NCKAP5: variants seen among roughly 807,000 people sequenced by gnomAD.
NCKAP5 encodes NCK associated protein 5, also known as nck-associated protein 5.
In NCKAP5, 92 loss-of-function variants were observed where a neutral mutation model predicts 167.0. The observed-to-expected ratio is 0.55, with a 90% CI of 0.47 to 0.66. The LOEUF is 0.66. Ranked by LOEUF, NCKAP5 falls within the 30% of genes least tolerant of loss-of-function variation. The probability of loss-of-function intolerance (pLI) is 0.00; values close to 1 mark genes in which losing one functional copy is unlikely to be tolerated. For synonymous variants in NCKAP5, 891 were observed against 877.4 expected (o/e 1.02, Z -0.27); for missense variants, 2,378 against 2,315.0 (o/e 1.03, Z -0.56).
chr2:133,094,947 C>A (rs1284007474), intron 6 of NCKAP5, among the ~76,000 whole-genome samples: 1 of 152,106 alleles, frequency 6.6e-6, no homozygotes, highest in African/African-American at 2.4e-5. Flanking sequence ...GGGGACTTCA[C>A]TCCTATAACC....
intron 2 of NCKAP5, among the ~76,000 whole-genome samples, chr2:133,546,902 G>C (rs544491183): frequency 1.5e-4 from 23 of 152,148 alleles, no homozygotes; most frequent in Non-Finnish European, 2.4e-4. Context: ...GAACAGCTAC[G>C]GTCTACAGCT....
At chr2:132,887,227 A>G (rs2148849929) in intron 8 of NCKAP5, among the ~76,000 whole-genome samples, 1 of 152,224 alleles carries the variant, frequency 6.6e-6, no homozygotes. Context: ...TTTTGACTAA[A>G]ACAATTATGA....
chr2:132,698,028 G>T (rs531890401), intron 19 of NCKAP5, among the ~76,000 whole-genome samples: 3 of 152,252 alleles, frequency 2.0e-5, no homozygotes, highest in African/African-American at 7.2e-5. Flanking sequence ...ACCCCACATT[G>T]CAGGAACTCA....
At chr2:133,286,888 A>C (rs1574607457) in intron 4 of NCKAP5, among the ~76,000 whole-genome samples, 1 of 152,216 alleles carries the variant, frequency 6.6e-6, no homozygotes, top group East Asian at 1.9e-4. Context: ...AAGTGGAGCT[A>C]CTGATGACAG....
intron 3 of NCKAP5, among the ~76,000 whole-genome samples, chr2:133,392,893 G>A (rs1274137175): frequency 6.6e-6 from 1 of 152,152 alleles, no homozygotes; most frequent in Non-Finnish European, 1.5e-5. Flanking sequence ...TAATACTGAT[G>A]TACGATGATT....
intron 19 of NCKAP5, among the ~76,000 whole-genome samples, chr2:132,684,275 A>G (rs1685644189): frequency 1.3e-5 from 2 of 152,354 alleles, no homozygotes; most frequent in East Asian, 3.9e-4. Context: ...TGGATCAGCA[A>G]AATCAATAGT....
At chr2:132,999,959 A>G (rs557710343) in intron 6 of NCKAP5, among the ~76,000 whole-genome samples, 9 of 152,380 alleles carry the variant, frequency 5.9e-5, no homozygotes, top group African/African-American at 2.2e-4. Flanking sequence ...GGTTCATTCA[A>G]TTGAAGGCTG....
intron 6 of NCKAP5, among the ~76,000 whole-genome samples, chr2:133,126,459 G>C (rs899507480): frequency 1.3e-5 from 2 of 152,212 alleles, no homozygotes; most frequent in Non-Finnish European, 2.9e-5. Context: ...TACCGGAGTA[G>C]TTCCTATTTC....
chr2:133,557,457 G>A (rs1687821543), intron 2 of NCKAP5, among the ~76,000 whole-genome samples: 1 of 152,060 alleles, frequency 6.6e-6, no homozygotes, highest in Non-Finnish European at 1.5e-5. Flanking sequence ...CGCCTGCCCA[G>A]GTTTTCTATG....
intron 8 of NCKAP5, among the ~76,000 whole-genome samples, chr2:132,887,148 C>A (rs1284901198): frequency 6.6e-6 from 1 of 152,096 alleles, no homozygotes; most frequent in African/African-American, 2.4e-5. Context: ...TATCCAGAGT[C>A]TTTGAGATTG....
intron 11 of NCKAP5, among the ~76,000 whole-genome samples, chr2:132,839,018 A>T (rs1688101618): frequency 1.3e-5 from 2 of 152,178 alleles, no homozygotes; most frequent in South Asian, 4.1e-4. Context: ...ACTTCTATCA[A>T]CTGCCTTCTC....
intron 6 of NCKAP5, among the ~76,000 whole-genome samples, chr2:133,100,328 C>CT (rs1336662185): frequency 6.6e-6 from 1 of 152,158 alleles, no homozygotes; most frequent in Admixed American, 6.5e-5. Context: ...TCCTATTACT[C>CT]TAAGTTCTTT....
chr2:132,962,310 A>G (rs1234556353), intron 8 of NCKAP5, among the ~76,000 whole-genome samples: 3 of 152,172 alleles, frequency 2.0e-5, no homozygotes, highest in African/African-American at 7.2e-5. Context: ...ACTTCCCTGT[A>G]AGGCTAATTA....
At chr2:132,728,566 A>C (rs938511658) in intron 18 of NCKAP5, among the ~76,000 whole-genome samples, 5 of 152,180 alleles carry the variant, frequency 3.3e-5, no homozygotes, top group African/African-American at 1.2e-4. Context: ...AGGGGAGTGC[A>C]TCCATACCCA....
In NCKAP5 at chr2:133,262,053, G is replaced by C. The variant is rs568135266; in HGVS notation, c.143+40984C>G. 3.9e-5 allele frequency among the ~76,000 whole-genome samples: 6 copies of C among 152,294 alleles called. No individual in the cohort carries two copies. The South Asian group carries it at 1.0e-3, about 26-fold the overall frequency. ...AAAATTATATTAAAAGACCATAGCT[G>C]CTAACATCTGTTGGCTTTCTTGTGT... On this transcript the variant is annotated intron_variant, in intron 4 of 19. Transcript: ENST00000409261.
In NCKAP5 at chr2:132,926,776, T is replaced by A. The variant is rs572432485; in HGVS notation, c.579+36944A>T. On this transcript the variant is annotated intron_variant, in intron 8 of 19. Transcript: ENST00000409261. Reference sequence around the variant, plus strand: ...GTTCCTTGTAAATTCTGGATATTCATTCCATGTCGTAGTCACAATTTGCAA... The same window carrying A: ...GTTCCTTGTAAATTCTGGATATTCAATCCATGTCGTAGTCACAATTTGCAA... 7.9e-5 allele frequency among the ~76,000 whole-genome samples: 12 copies of A among 152,272 alleles called. No homozygotes were observed. In the East Asian group the frequency reaches 2.3e-3, roughly 29 times the overall value.
At chr2:132,845,939 C>T (rs916660732) in intron 11 of NCKAP5, among the ~76,000 whole-genome samples, 1 of 152,098 alleles carries the variant, frequency 6.6e-6, no homozygotes, top group Non-Finnish European at 1.5e-5. Context: ...TTCATTTCTT[C>T]CATTCTTTTC....
At chr2:133,034,592 T>C (rs2078983290) in intron 6 of NCKAP5, among the ~76,000 whole-genome samples, 1 of 152,044 alleles carries the variant, frequency 6.6e-6, no homozygotes. Context: ...AAGATGTAAA[T>C]AGAAACAAAA....
At chr2:133,296,560 T>C (rs574934898) in intron 4 of NCKAP5, among the ~76,000 whole-genome samples, 8 of 152,256 alleles carry the variant, frequency 5.3e-5, no homozygotes, top group Admixed American at 1.3e-4. Context: ...TCTATGACAT[T>C]TGTATTATGT....
Sources: gnomAD v4.1 joint callset for allele counts (sites outside exome capture counted in the v4.1 genomes callset) on GRCh38, gnomAD v4.1.1 for gene constraint, MANE v1.5 for transcripts, NCBI Gene and HGNC (gene_info 2026-07-23, HGNC 2026-07-21) for gene names.